Variants in SGCG observed in about 807,000 individuals in gnomAD.
SGCG encodes the protein gamma-sarcoglycan.
A neutral mutation model predicts 29.3 loss-of-function variants in SGCG; 26 were observed. The ratio of observed to expected loss-of-function variants is 0.89; its 90% confidence interval spans 0.65 to 1.23. The LOEUF (loss-of-function observed/expected upper bound fraction) is 1.23. Among genes scored for constraint, SGCG ranks in the 50% most tolerant of loss-of-function variants. SGCG has a pLI of 0.00. For missense variants in SGCG, 353 were observed against 356.0 expected (o/e 0.99, Z 0.07); for synonymous variants, 145 against 129.7 (o/e 1.12, Z -0.80).
chr13:23,201,337 C>G (rs1436718730), intron 1 of SGCG, among the ~76,000 whole-genome samples: 1 of 148,796 alleles, frequency 6.7e-6, no homozygotes, highest in Middle Eastern at 3.2e-3. Context: ...TTCTAATAAC[C>G]CCTGGAACCT....
intron 6 of SGCG, among the ~76,000 whole-genome samples, chr13:23,316,380 C>A (rs954800804): frequency 1.3e-5 from 2 of 152,250 alleles, no homozygotes; most frequent in African/African-American, 4.8e-5. Flanking sequence ...GATCAAGGCA[C>A]TCCCTTTATG....
chr13:23,315,256 T>C (rs1170331310), intron 6 of SGCG, among the ~76,000 whole-genome samples: 1 of 152,232 alleles, frequency 6.6e-6, no homozygotes, highest in Non-Finnish European at 1.5e-5. Context: ...CAAGTCACCA[T>C]GTGACCTGAA....
intron 6 of SGCG, among the ~76,000 whole-genome samples, chr13:23,299,407 C>CATGTATGTATATATAT (rs1161342960): frequency 8.4e-5 from 2 of 23,924 alleles, no homozygotes; most frequent in African/African-American, 1.7e-4. Flanking sequence ...TCTTAGTTGG[C>CATGTATGTATATATAT]ATATATATAT....
chr13:23,233,766 T>C (rs9550934), intron 2 of SGCG, among the ~76,000 whole-genome samples: 22,982 of 152,134 alleles, frequency 0.15, 1,785 homozygotes, highest in East Asian at 0.29. Context: ...AGCCAATTCA[T>C]AGCATGAACG....
chr13:23,275,135 A>ATG (rs1285386220), intron 4 of SGCG, among the ~76,000 whole-genome samples: 1 of 147,884 alleles, frequency 6.8e-6, no homozygotes, highest in African/African-American at 2.5e-5. Context: ...ATATATATAT[A>ATG]TATATATAGA....
intron 3 of SGCG, among the ~76,000 whole-genome samples, chr13:23,239,251 A>T (rs1026177149): frequency 3.9e-5 from 6 of 152,124 alleles, no homozygotes; most frequent in Non-Finnish European, 7.4e-5. Context: ...TATAACATAC[A>T]AAGGAGTGAA....
intron 4 of SGCG, among the ~76,000 whole-genome samples, chr13:23,260,766 G>T (rs1232382862): frequency 1.3e-5 from 2 of 151,866 alleles, no homozygotes; most frequent in East Asian, 3.9e-4. Context: ...CTCAGCATTT[G>T]CTTATCTGTA....
rs1205442031 is a variant in SGCG at position 23,320,685 on chromosome 13, G to A, written c.627G>A (p.Val209=). 6.2e-7 allele frequency: 1 copy of A among 1,608,826 alleles called. No individual in the cohort carries two copies. The change falls in exon 7 of 8, where the codon GTG becomes GTA. Residue 209 remains valine, a synonymous_variant. Transcript: ENST00000218867. ...RSLSMDAPRG[V]HIQAHAGKIE... ...TAAGCATGGATGCCCCAAGGGGTGTGCATATTCAAGCTCACGCTGGGAAAA... is the reference window on the plus strand; with the variant it reads ...TAAGCATGGATGCCCCAAGGGGTGTACATATTCAAGCTCACGCTGGGAAAA...
intron 7 of SGCG, among the ~76,000 whole-genome samples, chr13:23,322,051 A>C (rs557970861): frequency 9.2e-5 from 14 of 152,350 alleles, no homozygotes; most frequent in African/African-American, 3.4e-4. Flanking sequence ...AGATTTGTGC[A>C]AACAACTGAT....
chr13:23,324,345 G>C (rs759476222), intron 7 of SGCG, 23 bp from the exon 8 acceptor site: 25 of 1,613,420 alleles, frequency 1.5e-5, no homozygotes, highest in East Asian at 6.7e-5. Flanking sequence ...TTAACTCTTC[G>C]TCTCTCATCT....
the SGCG span, among the ~76,000 whole-genome samples, chr13:23,171,974 G>T: frequency 6.6e-6 from 1 of 152,178 alleles, no homozygotes; most frequent in East Asian, 1.9e-4. Context: ...AGGGAGGCCA[G>T]GGTTGAGACC....
chr13:23,236,208 G>A (rs1879303158), intron 3 of SGCG, among the ~76,000 whole-genome samples: 1 of 152,136 alleles, frequency 6.6e-6, no homozygotes, highest in Admixed American at 6.5e-5. Context: ...TTTTGTAAAA[G>A]GGGAAGTCAG....
intron 4 of SGCG, among the ~76,000 whole-genome samples, chr13:23,270,475 C>T (rs1359516237): frequency 6.6e-6 from 1 of 151,964 alleles, no homozygotes; most frequent in Non-Finnish European, 1.5e-5. Context: ...ATTTTTGTAT[C>T]TTTGTTGTGA....
At chr13:23,241,153 AAAAAAAAAAAG>A (rs1307979378) in intron 3 of SGCG, among the ~76,000 whole-genome samples, 1 of 149,450 alleles carries the variant, frequency 6.7e-6, no homozygotes, top group Non-Finnish European at 1.5e-5. Flanking sequence ...CATCTCAAAA[AAAAAAAAAAAG>A]AAGAAGAAGA....
At chr13:23,252,131 C>T (rs1879991124) in intron 4 of SGCG, among the ~76,000 whole-genome samples, 1 of 152,080 alleles carries the variant, frequency 6.6e-6, no homozygotes, top group Non-Finnish European at 1.5e-5. Flanking sequence ...CATATACGTT[C>T]TTAAGATGTA....
chr13:23,195,321 G>T (rs1437146068), intron 1 of SGCG, among the ~76,000 whole-genome samples: 1 of 152,150 alleles, frequency 6.6e-6, no homozygotes, highest in Non-Finnish European at 1.5e-5. Flanking sequence ...AGAAGAGTTT[G>T]TCTGAATTGC....
At chr13:23,195,462 C>A (rs2137487302) in intron 1 of SGCG, among the ~76,000 whole-genome samples, 1 of 151,538 alleles carries the variant, frequency 6.6e-6, no homozygotes, top group Admixed American at 6.6e-5. Context: ...TTTTTTTTCC[C>A]TTTTAGTCAC....
intron 6 of SGCG, among the ~76,000 whole-genome samples, chr13:23,307,970 G>A (rs533081): frequency 0.81 from 122,898 of 152,196 alleles, 52,078 homozygotes; most frequent in East Asian, 1. Flanking sequence ...CCACATATGG[G>A]TCTCTATAAA....
intron 4 of SGCG, among the ~76,000 whole-genome samples, chr13:23,273,508 A>G (rs531323864): frequency 2.6e-5 from 4 of 152,244 alleles, no homozygotes; most frequent in African/African-American, 9.6e-5. Flanking sequence ...ATTGACAGAG[A>G]TGTTTAGTAC....
Sources: allele counts gnomAD v4.1 joint callset (sites outside exome capture counted in the v4.1 genomes callset), GRCh38; gene constraint gnomAD v4.1.1; transcripts MANE v1.5; gene names NCBI Gene and HGNC (gene_info 2026-07-23, HGNC 2026-07-21).